PTH2R: variants seen among roughly 807,000 people sequenced by gnomAD.
The protein encoded by PTH2R is parathyroid hormone 2 receptor.
PTH2R carries 59 observed loss-of-function variants against 60.3 expected under a neutral mutation model. The ratio of observed to expected loss-of-function variants is 0.98; its 90% CI spans 0.79 to 1.22. PTH2R has a LOEUF of 1.22. PTH2R is among the 50% of genes most tolerant of loss of function. PTH2R has a pLI of 0.00. For synonymous variants in PTH2R, 256 were observed against 243.8 expected (o/e 1.05, Z -0.47); for missense variants, 749 against 682.6 (o/e 1.10, Z -1.08).
chr2:208,435,467 T>C (rs1034040114), intron 2 of PTH2R, among the ~76,000 whole-genome samples: 5 of 151,888 alleles, frequency 3.3e-5, no homozygotes, highest in Non-Finnish European at 7.4e-5. Flanking sequence ...CCCTTTAAAG[T>C]GGAAGAGGAA....
At chr2:208,384,097 C>A (rs1217242988) in intron 1 of PTH2R, among the ~76,000 whole-genome samples, 2 of 152,140 alleles carry the variant, frequency 1.3e-5, no homozygotes, top group Non-Finnish European at 1.5e-5. Flanking sequence ...AATACTGAAA[C>A]AAGAGAGCAT....
intron 1 of PTH2R, among the ~76,000 whole-genome samples, chr2:208,371,971 G>T (rs1437353149): frequency 6.6e-6 from 1 of 152,044 alleles, no homozygotes; most frequent in Non-Finnish European, 1.5e-5. Flanking sequence ...ACCTGGGCTG[G>T]AGTGCAGTGG....
At chr2:208,377,319 C>A (rs982736014) in intron 1 of PTH2R, among the ~76,000 whole-genome samples, 8 of 152,158 alleles carry the variant, frequency 5.3e-5, no homozygotes, top group African/African-American at 1.9e-4. Context: ...CTTTCCCCAC[C>A]TTTCCCCCTT....
chr2:208,388,411 C>A (rs1574829573), intron 1 of PTH2R, among the ~76,000 whole-genome samples: 1 of 152,178 alleles, frequency 6.6e-6, no homozygotes, highest in Non-Finnish European at 1.5e-5. Flanking sequence ...CCAAAAAGGT[C>A]TAACCTTCGG....
intron 1 of PTH2R, among the ~76,000 whole-genome samples, chr2:208,380,136 T>C (rs2885826): frequency 0.022 from 3,372 of 152,212 alleles, 65 homozygotes; most frequent in Non-Finnish European, 0.034. Context: ...CCAGTAAATG[T>C]TATTTTCCTT....
At chr2:208,449,957 T>TCA (rs1702369626) in intron 7 of PTH2R, among the ~76,000 whole-genome samples, 1 of 152,208 alleles carries the variant, frequency 6.6e-6, no homozygotes, top group South Asian at 2.1e-4. Flanking sequence ...TAATGAAAAG[T>TCA]CATCTCTTAA....
At chr2:208,488,130 G>C (rs1029004935) in intron 10 of PTH2R, among the ~76,000 whole-genome samples, 8 of 152,304 alleles carry the variant, frequency 5.3e-5, no homozygotes, top group African/African-American at 1.9e-4. Context: ...CTTGTAGAAA[G>C]AGGCAGTTAA....
At chr2:208,378,154 C>T (rs1241004896) in intron 1 of PTH2R, among the ~76,000 whole-genome samples, 2 of 151,998 alleles carry the variant, frequency 1.3e-5, no homozygotes, top group Non-Finnish European at 1.5e-5. Flanking sequence ...GCGGATCACT[C>T]GCGGTTAGGA....
At chr2:208,446,083 T>C (rs1443122002) in intron 7 of PTH2R, among the ~76,000 whole-genome samples, 2 of 152,212 alleles carry the variant, frequency 1.3e-5, no homozygotes, top group Admixed American at 6.5e-5. Context: ...GATAGAAAAT[T>C]CAATAATGAA....
At position 208,489,082 on chromosome 2, in the gene PTH2R, C is replaced by T. The variant is rs952849259; in HGVS notation, c.1147C>T (p.Pro383Ser). Reference protein sequence around the residue: ...GVHYIVFVCLPHSFTGLGWEI... With the variant: ...GVHYIVFVCLSHSFTGLGWEI... ...GCATTACATCGTGTTCGTATGCCTG[C>T]CTCACTCCTTCACTGGGCTCGGGTG... Residue 383 changes from proline to serine, a missense_variant, in exon 11 of 13, where the codon CCT (proline) becomes TCT (serine). Pro to Ser is a moderately conservative substitution (Grantham distance 74, BLOSUM62 -1). Coordinates refer to ENST00000272847, the MANE Select transcript of PTH2R (RefSeq NM_005048.4). 1.9e-5 allele frequency: 30 copies of T among 1,613,996 alleles called. No individual in the cohort carries two copies. Among genetic ancestry groups the T allele is most frequent in the South Asian group, 2.2e-5 (2 of 91,080 alleles).
intron 7 of PTH2R, among the ~76,000 whole-genome samples, chr2:208,446,211 G>A (rs968196736): frequency 2.6e-5 from 4 of 151,910 alleles, no homozygotes; most frequent in Admixed American, 1.3e-4. Context: ...CCTGGTGCAA[G>A]CCTCCTTATT....
chr2:208,413,079 T>C (rs1220389267), intron 1 of PTH2R, among the ~76,000 whole-genome samples: 1 of 152,112 alleles, frequency 6.6e-6, no homozygotes, highest in Admixed American at 6.6e-5. Context: ...CCATAATTTA[T>C]TTGCTCATAT....
chr2:208,367,753 A>G (rs2125867699), intron 1 of PTH2R, among the ~76,000 whole-genome samples: 1 of 152,238 alleles, frequency 6.6e-6, no homozygotes, highest in Admixed American at 6.5e-5. Flanking sequence ...CTAAGTTCTC[A>G]AAGTCAAATT....
intron 4 of PTH2R, among the ~76,000 whole-genome samples, chr2:208,439,396 A>G (rs1384407072): frequency 6.6e-6 from 1 of 151,986 alleles, no homozygotes; most frequent in African/African-American, 2.4e-5. Flanking sequence ...ATTTGGAAAA[A>G]CCCAAGAAAA....
chr2:208,383,488 G>C (rs1419744600), intron 1 of PTH2R, among the ~76,000 whole-genome samples: 1 of 152,220 alleles, frequency 6.6e-6, no homozygotes, highest in Non-Finnish European at 1.5e-5. Flanking sequence ...GCAAAAGGCA[G>C]ACATGCTTAA....
chr2:208,410,523 CTT>C (rs1274016298), intron 1 of PTH2R, among the ~76,000 whole-genome samples: 1 of 152,104 alleles, frequency 6.6e-6, no homozygotes, highest in African/African-American at 2.4e-5. Context: ...TATAATGATT[CTT>C]GCAGTAATTC....
intron 1 of PTH2R, among the ~76,000 whole-genome samples, chr2:208,408,740 A>AAGAGAGAGAGAGAGAGAGAGAGAGAGAG (rs56107941): frequency 8.1e-6 from 1 of 123,314 alleles, no homozygotes; most frequent in Non-Finnish European, 1.6e-5. Flanking sequence ...GAGAGAGAGA[A>AAGAGAGAGAGAGAGAGAGAGAGAGAGAG]AGAGAGAGAG....
intron 8 of PTH2R, among the ~76,000 whole-genome samples, chr2:208,458,048 T>C (rs1702549833): frequency 6.6e-6 from 1 of 152,210 alleles, no homozygotes; most frequent in African/African-American, 2.4e-5. Context: ...TGTGCGTCTT[T>C]TGTTTCAAGT....
intron 9 of PTH2R, among the ~76,000 whole-genome samples, chr2:208,461,756 T>A (rs1404243469): frequency 6.6e-6 from 1 of 152,188 alleles, no homozygotes; most frequent in Non-Finnish European, 1.5e-5. Flanking sequence ...TCCAAAGCTT[T>A]ATAGTTTGTT....
Sources: allele counts gnomAD v4.1 joint callset (sites outside exome capture counted in the v4.1 genomes callset), GRCh38; gene constraint gnomAD v4.1.1; transcripts MANE v1.5; gene names NCBI Gene and HGNC (gene_info 2026-07-23, HGNC 2026-07-21).